The following LYN variants were observed in gnomAD, a reference collection of about 807,000 sequenced individuals.
LYN encodes the protein tyrosine-protein kinase Lyn.
A neutral mutation model predicts 65.0 loss-of-function variants in LYN; 12 were observed. The observed-to-expected ratio is 0.18, with a 90% CI of 0.12 to 0.30. The LOEUF is 0.30. Ranked by LOEUF, LYN falls within the 10% of genes least tolerant of loss-of-function variation. LYN has a pLI of 1.00. For synonymous variants in LYN, 222 were observed against 221.2 expected, an observed-to-expected ratio of 1.00 and a Z score of -0.03; for missense variants, 380 against 623.2, an observed-to-expected ratio of 0.61 and a Z score of 4.16.
intron 1 of LYN, among the ~76,000 whole-genome samples, chr8:55,882,843 G>C (rs1387163959): frequency 6.6e-6 from 1 of 152,190 alleles, no homozygotes; most frequent in African/African-American, 2.4e-5. Context: ...GTACCATTAG[G>C]AGTAGTAGGT....
At chr8:55,982,763 C>G (rs1367915551) in intron 10 of LYN, among the ~76,000 whole-genome samples, 1 of 152,152 alleles carries the variant, frequency 6.6e-6, no homozygotes, top group East Asian at 1.9e-4. Flanking sequence ...ACTCTGTCCT[C>G]TCCCCTCGAG....
At chr8:55,971,674 T>C (rs1807613432) in intron 10 of LYN, among the ~76,000 whole-genome samples, 2 of 152,204 alleles carry the variant, frequency 1.3e-5, no homozygotes, top group African/African-American at 4.8e-5. Context: ...GTCACATGGG[T>C]ATTTTGTATT....
chr8:55,986,372 C>A (rs532357523), intron 10 of LYN, among the ~76,000 whole-genome samples: 1 of 152,138 alleles, frequency 6.6e-6, no homozygotes. Context: ...TATCTATCTT[C>A]GGGGTAGTAC....
intron 8 of LYN, chr8:55,955,342 A>C (rs1264559985): frequency 3.3e-5 from 5 of 152,230 alleles, no homozygotes; most frequent in South Asian, 2.1e-4. Context: ...CTGTAATTAC[A>C]TGACTTCACA....
At chr8:56,000,926 C>T (rs1216413636) in intron 12 of LYN, among the ~76,000 whole-genome samples, 2 of 152,084 alleles carry the variant, frequency 1.3e-5, no homozygotes, top group African/African-American at 4.8e-5. Context: ...GGTATCTGCC[C>T]ATGTCCTTGA....
chr8:55,886,604 A>G (rs1804804316), intron 1 of LYN, among the ~76,000 whole-genome samples: 1 of 152,236 alleles, frequency 6.6e-6, no homozygotes, highest in South Asian at 2.1e-4. Flanking sequence ...GTGCTCAAAT[A>G]CACATATCTG....
intron 10 of LYN, among the ~76,000 whole-genome samples, chr8:55,975,980 T>C (rs1011408859): frequency 2.0e-4 from 31 of 152,162 alleles, no homozygotes; most frequent in African/African-American, 6.8e-4. Context: ...AGGCAAGATC[T>C]GTCTCTTATC....
At chr8:55,900,424 G>A (rs1805228215) in intron 1 of LYN, among the ~76,000 whole-genome samples, 1 of 151,896 alleles carries the variant, frequency 6.6e-6, no homozygotes, top group Non-Finnish European at 1.5e-5. Flanking sequence ...CCAGGCTGAA[G>A]TACAGTGATG....
chr8:55,998,571 G>A, intron 11 of LYN, 72 bp downstream of exon 11: 1 of 1,434,206 alleles, frequency 7.0e-7, no homozygotes, highest in Non-Finnish European at 9.7e-7. Context: ...TTTTGACAAA[G>A]CAATTACAAT....
intron 1 of LYN, among the ~76,000 whole-genome samples, chr8:55,922,297 C>A (rs1461582873): frequency 6.6e-6 from 1 of 151,988 alleles, no homozygotes. Context: ...ACTGTGTTAC[C>A]CAGACTAGCC....
intron 1 of LYN, among the ~76,000 whole-genome samples, chr8:55,903,863 GA>G (rs1805349100): frequency 6.6e-6 from 1 of 152,072 alleles, no homozygotes; most frequent in African/African-American, 2.4e-5. Context: ...AAAATAAAAA[GA>G]AATTAGTCAG....
In LYN at chr8:55,967,596, A is replaced by G. The variant is rs569320856; in HGVS notation, c.973+699A>G. On this transcript the variant is annotated intron_variant, in intron 9 of 12. Coordinates refer to ENST00000519728, the MANE Select transcript of LYN (RefSeq NM_002350.4). ...CTCTGAAAGTGCTAGGATTACAGGC[A>G]TGAGCACCCAGCCTCTATTTGTTCT... Among the ~76,000 whole-genome samples the G allele has an allele frequency of 2.6e-5, 4 of 152,298 alleles. No homozygotes were observed. The East Asian group carries it at 7.7e-4, about 29-fold the overall frequency.
At chr8:55,993,348 CAAT>C (rs770341350) in intron 10 of LYN, among the ~76,000 whole-genome samples, 19 of 152,244 alleles carry the variant, frequency 1.2e-4, no homozygotes, top group East Asian at 7.7e-4. Flanking sequence ...TACTTAACAA[CAAT>C]GAGAGGAAAC....
chr8:55,912,854 A>G (rs1805679366), intron 1 of LYN, among the ~76,000 whole-genome samples: 1 of 152,214 alleles, frequency 6.6e-6, no homozygotes, highest in South Asian at 2.1e-4. Flanking sequence ...TTAATGGACT[A>G]CAAATATTAT....
At chr8:55,882,542 CCT>C (rs1804680176) in intron 1 of LYN, among the ~76,000 whole-genome samples, 2 of 152,200 alleles carry the variant, frequency 1.3e-5, no homozygotes, top group African/African-American at 4.8e-5. Flanking sequence ...TAAGCTCACT[CCT>C]ACTGATGATC....
In LYN at chr8:55,884,401, G is replaced by A. The variant is rs140407767; in HGVS notation, c.-6+4298G>A. On this transcript the variant is annotated intron_variant, in intron 1 of 12. Transcript: ENST00000519728. ...ATTACAGGTGTGAGCCACTGCGCCT[G>A]GCCTTTCTGGGGTATATTTGGCTTA... 1.5e-3 allele frequency among the ~76,000 whole-genome samples: 227 copies of A among 151,870 alleles called. 2 individuals carry two copies. The highest frequency in any genetic ancestry group is 5.2e-3 in the African/African-American group (217 of 41,400).
At chr8:55,905,219 T>C (rs1470510525) in intron 1 of LYN, among the ~76,000 whole-genome samples, 2 of 152,158 alleles carry the variant, frequency 1.3e-5, no homozygotes, top group Non-Finnish European at 2.9e-5. Flanking sequence ...AAGGCCAGCC[T>C]GGCCAACATG....
chr8:55,884,352 G>A (rs1378982463), intron 1 of LYN, among the ~76,000 whole-genome samples: 1 of 151,848 alleles, frequency 6.6e-6, no homozygotes, highest in South Asian at 2.1e-4. Context: ...TGATCTGCCC[G>A]TCTCGTCCTC....
rs79976542 is a variant in LYN at position 55,887,146 on chromosome 8, T to A, written c.-6+7043T>A. 4.6e-3 allele frequency among the ~76,000 whole-genome samples: 697 copies of A among 152,366 alleles called. 5 individuals are homozygous for A. The highest frequency in any genetic ancestry group is 0.016 in the African/African-American group (649 of 41,580). On this transcript the variant is annotated intron_variant, in intron 1 of 12. Transcript: ENST00000519728. ...TTACAGTTACTAATATGAAAAATTT[T>A]TTTTCAAAAGCTGAACACGGCCAGG... is the stretch of plus-strand genomic sequence containing the variant.
Sources: allele counts gnomAD v4.1 joint callset (sites outside exome capture counted in the v4.1 genomes callset), GRCh38; gene constraint gnomAD v4.1.1; transcripts MANE v1.5; gene names NCBI Gene and HGNC (gene_info 2026-07-23, HGNC 2026-07-21).